The following CHRDL1 variants were observed in gnomAD, a reference collection of about 807,000 sequenced individuals.
CHRDL1 encodes chordin-like protein 1.
In CHRDL1, 19 loss-of-function variants were observed where a neutral mutation model predicts 40.9. The observed-to-expected ratio is 0.46, with a 90% CI of 0.32 to 0.68. CHRDL1 has a LOEUF of 0.68. CHRDL1 is among the 30% of genes least tolerant of loss of function. The pLI is 0.03. For synonymous variants in CHRDL1, 136 were observed against 123.4 expected (o/e 1.10, Z -0.68); for missense variants, 329 against 352.1 (o/e 0.93, Z 0.53).
chrX:110,727,841 T>C (rs985710377), intron 4 of CHRDL1, among the ~76,000 whole-genome samples: 9 of 112,078 alleles, frequency 8.0e-5, no homozygotes, highest in African/African-American at 2.9e-4. Flanking sequence ...TAAGAATTCA[T>C]TCTACAGATA....
intron 4 of CHRDL1, among the ~76,000 whole-genome samples, chrX:110,752,656 T>TAG (rs1447101528): frequency 9.0e-6 from 1 of 111,100 alleles, no homozygotes; most frequent in African/African-American, 3.3e-5. Context: ...CATATATATA[T>TAG]ATATGTAATT....
At chrX:110,786,335 G>GAA (rs1311846656) in intron 2 of CHRDL1, among the ~76,000 whole-genome samples, 3 of 111,582 alleles carry the variant, frequency 2.7e-5, no homozygotes, top group Non-Finnish European at 5.7e-5. Flanking sequence ...CATCTCTAAT[G>GAA]TGTATCTAAC....
Position 110,743,779 on chromosome X carries a change from T to C in CHRDL1, c.301+15882A>G, listed in dbSNP as rs182951168. On this transcript the variant is annotated intron_variant, in intron 4 of 11. Transcript: ENST00000372042. Reference sequence around the variant, plus strand: ...AAGCACAAGGGCTCCCTAGGGTTCCTCTAGCTTGTGGGATGGGTGTGGGTG... The same window carrying C: ...AAGCACAAGGGCTCCCTAGGGTTCCCCTAGCTTGTGGGATGGGTGTGGGTG... 7.1e-5 allele frequency among the ~76,000 whole-genome samples: 8 copies of C among 112,019 alleles called. No homozygotes were observed. In the Admixed American group the frequency reaches 7.5e-4, roughly 11 times the overall value.
At chrX:110,749,078 A>G (rs1211600255) in intron 4 of CHRDL1, among the ~76,000 whole-genome samples, 1 of 111,636 alleles carries the variant, frequency 9.0e-6, no homozygotes, top group Non-Finnish European at 1.9e-5. Context: ...AAAACAAGGA[A>G]GAAAGCATGC....
intron 6 of CHRDL1, among the ~76,000 whole-genome samples, chrX:110,714,843 G>A (rs1331669983): frequency 8.9e-6 from 1 of 111,745 alleles, no homozygotes; most frequent in Non-Finnish European, 1.9e-5. Context: ...GGCCAGCATA[G>A]GGGAGAGGTT....
intron 4 of CHRDL1, among the ~76,000 whole-genome samples, chrX:110,739,167 A>T (rs1462771875): frequency 8.9e-6 from 1 of 112,258 alleles, no homozygotes; most frequent in Non-Finnish European, 1.9e-5. Context: ...CTGTAAGGGG[A>T]AAACATTTCA....
chrX:110,699,558 T>C (rs1013396131), intron 7 of CHRDL1, among the ~76,000 whole-genome samples: 3 of 112,295 alleles, frequency 2.7e-5, no homozygotes, highest in Non-Finnish European at 5.6e-5. Flanking sequence ...AAATCTACCT[T>C]TCCTCCTGCC....
At chrX:110,773,220 A>G (rs954686858) in intron 2 of CHRDL1, among the ~76,000 whole-genome samples, 2 of 112,121 alleles carry the variant, frequency 1.8e-5, no homozygotes, top group East Asian at 2.8e-4. Flanking sequence ...TCCTTGCTAT[A>G]TATTTCCTTC....
At chrX:110,792,931 C>A (rs763301702) in intron 1 of CHRDL1, among the ~76,000 whole-genome samples, 3 of 112,237 alleles carry the variant, frequency 2.7e-5, no homozygotes, top group South Asian at 3.7e-4. Context: ...CCTTGCACCA[C>A]CATGCAAAAG....
intron 7 of CHRDL1, among the ~76,000 whole-genome samples, chrX:110,698,157 G>A (rs2070438993): frequency 9.0e-6 from 1 of 111,361 alleles, no homozygotes; most frequent in Admixed American, 9.6e-5. Flanking sequence ...GAAATCTGTT[G>A]TTAGGGCTGC....
In CHRDL1 at chrX:110,679,230, G is replaced by A; in HGVS notation, c.1246+106C>T. 7.1e-6 allele frequency: 4 copies of A among 565,589 alleles called. No individual in the cohort carries two copies. In the South Asian group the frequency reaches 1.0e-4, roughly 15 times the overall value. The allele number at this position is 565,589 out of a possible 1,213,427, so 46.6% of individuals were successfully genotyped here. ...GAACATCCTTTAGTGTTGATACTGA[G>A]CAGTGCTAATGTTCACTGAGATTGC... On this transcript the variant is annotated intron_variant, in intron 11 of 11. Transcript: ENST00000372042.
intron 2 of CHRDL1, among the ~76,000 whole-genome samples, chrX:110,772,222 G>T (rs1464497376): frequency 1.8e-5 from 2 of 112,330 alleles, no homozygotes; most frequent in Non-Finnish European, 3.8e-5. Context: ...AATCTAAATC[G>T]AATTACCAGC....
At position 110,763,491 on chromosome X, in the gene CHRDL1, TAC is replaced by T. The variant is rs1020611220; in HGVS notation, c.95-686_95-685del. ...TGTGGCTGAGTAGTATTCATATATA[TAC>T]ACACACACATATATATATACACACA... On this transcript the variant is annotated intron_variant, in intron 2 of 11. Transcript: ENST00000372042. 3.7e-5 allele frequency among the ~76,000 whole-genome samples: 4 copies of T among 108,686 alleles called. No homozygotes were observed. The East Asian group carries it at 1.2e-3, about 31-fold the overall frequency. The allele number at this position is 108,686 out of a possible 115,157, so 94.4% of individuals were successfully genotyped here.
chrX:110,750,039 T>C (rs1368563047), intron 4 of CHRDL1, among the ~76,000 whole-genome samples: 1 of 111,429 alleles, frequency 9.0e-6, no homozygotes, highest in Non-Finnish European at 1.9e-5. Flanking sequence ...AAAGCTTGAC[T>C]CCTTAGGCCC....
In CHRDL1 at chrX:110,699,791, A is replaced by G. The variant is rs138770566; in HGVS notation, c.609+863T>C. 3.3e-3 allele frequency among the ~76,000 whole-genome samples: 376 copies of G among 112,466 alleles called. 3 individuals are homozygous for G. The highest frequency in any genetic ancestry group is 0.012 in the African/African-American group (357 of 31,017). On this transcript the variant is annotated intron_variant, in intron 7 of 11. Coordinates refer to ENST00000372042, the MANE Select transcript of CHRDL1 (RefSeq NM_001143981.2). ...TCTTTTAACAACTGCACAGTGTCCC[A>G]TTAATTGGATGTACACACCAAGTCC...
intron 4 of CHRDL1, among the ~76,000 whole-genome samples, chrX:110,722,093 G>A (rs2070968009): frequency 9.0e-6 from 1 of 111,188 alleles, no homozygotes; most frequent in Non-Finnish European, 1.9e-5. Context: ...TGCCTCCTGG[G>A]TTCAAGCAAT....
chrX:110,763,109 T>C (rs749343080), intron 2 of CHRDL1, among the ~76,000 whole-genome samples: 1 of 111,546 alleles, frequency 9.0e-6, no homozygotes, highest in Non-Finnish European at 1.9e-5. Flanking sequence ...GACAATGATG[T>C]ACAAAATCTT....
chrX:110,720,009 G>T, intron 5 of CHRDL1, 81 bp from the exon 6 acceptor site: 1 of 559,376 alleles, frequency 1.8e-6, no homozygotes, highest in African/African-American at 2.3e-5. Context: ...AATAGAGCAG[G>T]GACTCAAAAC....
intron 4 of CHRDL1, among the ~76,000 whole-genome samples, chrX:110,756,998 T>C (rs1292963787): frequency 1.8e-5 from 2 of 111,573 alleles, no homozygotes; most frequent in Admixed American, 1.9e-4. Flanking sequence ...AACAAGGTTA[T>C]TGAAAATAAA....
Sources: gnomAD v4.1 joint callset for allele counts (sites outside exome capture counted in the v4.1 genomes callset) on GRCh38, gnomAD v4.1.1 for gene constraint, MANE v1.5 for transcripts, NCBI Gene and HGNC (gene_info 2026-07-23, HGNC 2026-07-21) for gene names.